The following TNIK variants were observed in gnomAD, a reference collection of about 807,000 sequenced individuals.
TNIK encodes TRAF2 and NCK interacting kinase.
TNIK carries 49 observed loss-of-function variants against 191.3 expected under a neutral mutation model. The observed-to-expected ratio is 0.26, with a 90% confidence interval of 0.20 to 0.32. The LOEUF (loss-of-function observed/expected upper bound fraction) is 0.32. TNIK is among the 10% of genes least tolerant of loss of function. The probability of loss-of-function intolerance (pLI) is 1.00; values close to 1 mark genes in which losing one functional copy is unlikely to be tolerated. For missense variants in TNIK, 1,155 were observed against 1,702.3 expected (o/e 0.68, Z 5.66); for synonymous variants, 594 against 600.9 (o/e 0.99, Z 0.17).
At chr3:171,402,463 C>T (rs1281013866) in intron 1 of TNIK, among the ~76,000 whole-genome samples, 1 of 152,182 alleles carries the variant, frequency 6.6e-6, no homozygotes, top group African/African-American at 2.4e-5. Flanking sequence ...TGGCTGTGAA[C>T]CACCTGGCAG....
chr3:171,173,914 G>A (rs748390514), intron 9 of TNIK, among the ~76,000 whole-genome samples: 10 of 152,296 alleles, frequency 6.6e-5, no homozygotes, highest in Admixed American at 1.3e-4. Context: ...CTGATCCAGG[G>A]AGAAGAGAGG....
chr3:171,324,208 G>T (rs776385630), intron 2 of TNIK, among the ~76,000 whole-genome samples: 8 of 152,156 alleles, frequency 5.3e-5, no homozygotes, highest in South Asian at 2.1e-4. Flanking sequence ...GGAACCTATG[G>T]AGCATTTGGG....
intron 7 of TNIK, among the ~76,000 whole-genome samples, chr3:171,182,249 A>ATC (rs1450565295): frequency 1.5e-5 from 2 of 131,918 alleles, no homozygotes; most frequent in African/African-American, 5.8e-5. Flanking sequence ...GGTCATATAT[A>ATC]TCCAAAGTTG....
intron 12 of TNIK, among the ~76,000 whole-genome samples, chr3:171,147,451 G>C (rs1050289715): frequency 6.6e-6 from 1 of 152,164 alleles, no homozygotes; most frequent in African/African-American, 2.4e-5. Context: ...CGTTGCTAAA[G>C]TTTTAGTTTT....
Position 171,101,341 on chromosome 3 carries a change from C to G in TNIK, c.2591+108G>C, listed in dbSNP as rs138499317. On this transcript the variant is annotated intron_variant, in intron 22 of 32. Coordinates refer to ENST00000436636, the MANE Select transcript of TNIK (RefSeq NM_015028.4). ...ACCCAAGTCCCGAAAGTCAATTTAT[C>G]TTGCCACAGACCCATATACAATCTT... is the stretch of plus-strand genomic sequence containing the variant. 1.1e-3 allele frequency: 1,397 copies of G among 1,271,692 alleles called. 19 individuals are homozygous for G. The East Asian group carries it at 0.033, about 30-fold the overall frequency. The allele number at this position is 1,271,692 out of a possible 1,614,324, so 78.8% of individuals were successfully genotyped here. A position where few individuals can be genotyped will look rare whatever the true frequency, so the allele number is the denominator to read the frequency against.
chr3:171,293,075 A>C (rs1751869418), intron 2 of TNIK, among the ~76,000 whole-genome samples: 1 of 152,024 alleles, frequency 6.6e-6, no homozygotes, highest in Non-Finnish European at 1.5e-5. Context: ...ACTTTCAAAA[A>C]CCTTCAAGTA....
At chr3:171,172,296 A>T (rs1735390725) in intron 9 of TNIK, among the ~76,000 whole-genome samples, 1 of 152,202 alleles carries the variant, frequency 6.6e-6, no homozygotes, top group South Asian at 2.1e-4. Context: ...TGATATATAC[A>T]CTGAGAACAA....
intron 22 of TNIK, among the ~76,000 whole-genome samples, chr3:171,100,676 G>A (rs1371751080): frequency 2.1e-5 from 3 of 143,728 alleles, no homozygotes; most frequent in Non-Finnish European, 1.5e-5. Flanking sequence ...AGCAACAGGG[G>A]ATAAGGGTAG....
At chr3:171,126,195 AAG>A (rs1218061698) in intron 16 of TNIK, 44 bp from the exon 17 acceptor site, 2 of 1,500,542 alleles carry the variant, frequency 1.3e-6, no homozygotes, top group African/African-American at 2.8e-5. Context: ...TAGAAGAAAA[AAG>A]AGATCAGCCA....
intron 2 of TNIK, among the ~76,000 whole-genome samples, chr3:171,262,026 G>A (rs1747693705): frequency 1.3e-5 from 2 of 152,074 alleles, no homozygotes; most frequent in South Asian, 2.1e-4. Flanking sequence ...ACCCAGCAGC[G>A]GGGTCAGTGG....
rs1297234085 is a variant in TNIK at position 171,081,972 on chromosome 3, A to G, written c.3313+279T>C. On this transcript the variant is annotated intron_variant, in intron 27 of 32. Coordinates refer to ENST00000436636, the MANE Select transcript of TNIK (RefSeq NM_015028.4). Reference sequence around the variant, plus strand: ...GCAGAAACCTTAAAAACATCCGAAGATCCTTGCTGAGTCCTGACAGAGGTA... The same window carrying G: ...GCAGAAACCTTAAAAACATCCGAAGGTCCTTGCTGAGTCCTGACAGAGGTA... Among the ~76,000 whole-genome samples, 3 of 152,142 alleles carry G rather than the reference A, an allele frequency of 2.0e-5. No individual in the cohort carries two copies. The East Asian group carries it at 5.8e-4, about 29-fold the overall frequency.
intron 2 of TNIK, among the ~76,000 whole-genome samples, chr3:171,287,254 A>G (rs984711070): frequency 2.0e-5 from 3 of 152,230 alleles, no homozygotes; most frequent in African/African-American, 7.2e-5. Flanking sequence ...TCTCATTTTC[A>G]TTGTTAAGAA....
intron 2 of TNIK, among the ~76,000 whole-genome samples, chr3:171,246,168 A>T (rs952762158): frequency 1.3e-5 from 2 of 152,184 alleles, no homozygotes; most frequent in Non-Finnish European, 2.9e-5. Flanking sequence ...ATAGAATCCC[A>T]AAGCCATTCT....
At chr3:171,340,957 G>A (rs1757441181) in intron 2 of TNIK, among the ~76,000 whole-genome samples, 2 of 151,484 alleles carry the variant, frequency 1.3e-5, no homozygotes, top group African/African-American at 4.8e-5. Flanking sequence ...TCTCCTCCAA[G>A]AACAAAATTC....
At chr3:171,419,608 C>T (rs1170768713) in intron 1 of TNIK, among the ~76,000 whole-genome samples, 1 of 152,186 alleles carries the variant, frequency 6.6e-6, no homozygotes. Context: ...GGCTCAGATC[C>T]CAGTGCTCCC....
Position 171,060,771 on chromosome 3 carries a change from ACAGTATCTTT to A in TNIK, c.*3100_*3109del, listed in dbSNP as rs929148408. 3.2e-4 allele frequency among the ~76,000 whole-genome samples: 48 copies of A among 152,268 alleles called. No individual in the cohort carries two copies. Among genetic ancestry groups the A allele is most frequent in the African/African-American group, 1.1e-3 (47 of 41,562 alleles). On this transcript the variant is annotated 3_prime_UTR_variant, in exon 33 of 33. Transcript: ENST00000436636. ...ACCACTGGATGCAGGAATCCATGCT[ACAGTATCTTT>A]GACTGGCACCCAGGAATGATGGTCA...
chr3:171,315,058 T>G (rs1754457382), intron 2 of TNIK, among the ~76,000 whole-genome samples: 1 of 152,134 alleles, frequency 6.6e-6, no homozygotes, highest in Non-Finnish European at 1.5e-5. Context: ...TGCTTTATCC[T>G]GAAGTGAGCC....
At chr3:171,212,789 G>C (rs1456637357) in intron 3 of TNIK, among the ~76,000 whole-genome samples, 3 of 152,200 alleles carry the variant, frequency 2.0e-5, no homozygotes. Context: ...AGCAGCATTA[G>C]TGATGTTAGA....
At chr3:171,309,003 A>C (rs1272215941) in intron 2 of TNIK, among the ~76,000 whole-genome samples, 2 of 152,166 alleles carry the variant, frequency 1.3e-5, no homozygotes, top group Non-Finnish European at 2.9e-5. Flanking sequence ...TTCTCAAAGC[A>C]CTTAAAAACA....
Sources: gnomAD v4.1 joint callset for allele counts (sites outside exome capture counted in the v4.1 genomes callset) on GRCh38, gnomAD v4.1.1 for gene constraint, MANE v1.5 for transcripts, NCBI Gene and HGNC (gene_info 2026-07-23, HGNC 2026-07-21) for gene names.